SH3RF2: variants seen among roughly 807,000 people sequenced by gnomAD.
SH3RF2 encodes the protein SH3 domain containing ring finger 2.
A neutral mutation model predicts 59.0 loss-of-function variants in SH3RF2; 43 were observed. The observed-to-expected ratio is 0.73, with a 90% CI of 0.57 to 0.94. SH3RF2 has a LOEUF of 0.94. Among genes scored for constraint, SH3RF2 ranks in the 40% least tolerant of loss-of-function variants. SH3RF2 has a pLI of 0.00. For synonymous variants in SH3RF2, 391 were observed against 391.5 expected, an observed-to-expected ratio of 1.00 and a Z score of 0.01; for missense variants, 930 against 940.1, an observed-to-expected ratio of 0.99 and a Z score of 0.14.
chr5:146,029,685 T>C (rs982817190), intron 5 of SH3RF2, among the ~76,000 whole-genome samples: 38 of 152,326 alleles, frequency 2.5e-4, no homozygotes, highest in African/African-American at 9.1e-4. Flanking sequence ...AAAAGGGGCA[T>C]GTTCTTCCAT....
At position 146,060,142 on chromosome 5, in the gene SH3RF2, G is replaced by A; in HGVS notation, c.1832G>A (p.Ser611Asn). 6.2e-7 allele frequency: 1 copy of A among 1,614,150 alleles called. No homozygotes were observed. Among genetic ancestry groups the A allele is most frequent in the Non-Finnish European group, 8.5e-7 (1 of 1,180,030 alleles). ...IMEDKEIPIK[S>N]EPLPKPPASA... ...GAAGACAAAGAAATCCCCATCAAGA[G>A]TGAGCCTCTGCCAAAACCGCCCGCA... The change falls in exon 9 of 10, where the codon AGT (serine) becomes AAT (asparagine). Residue 611 changes from serine to asparagine, a missense_variant. Ser to Asn is a conservative substitution (Grantham distance 46, BLOSUM62 1). Coordinates refer to ENST00000359120, the MANE Select transcript of SH3RF2 (RefSeq NM_152550.4).
intron 2 of SH3RF2, chr5:145,997,688 G>A (rs1760223109): frequency 1.9e-6 from 3 of 1,563,480 alleles, no homozygotes; most frequent in Non-Finnish European, 2.6e-6. Context: ...TAATTGCTAA[G>A]GTAACAGGGA....
intron 9 of SH3RF2, among the ~76,000 whole-genome samples, chr5:146,072,009 T>C (rs1763250303): frequency 6.6e-6 from 1 of 152,084 alleles, no homozygotes. Flanking sequence ...GAGAGAACAG[T>C]GAGAGTGTTT....
At chr5:145,985,207 G>T (rs1759655127) in intron 2 of SH3RF2, among the ~76,000 whole-genome samples, 1 of 152,208 alleles carries the variant, frequency 6.6e-6, no homozygotes, top group Non-Finnish European at 1.5e-5. Context: ...GAGGGAAGAA[G>T]TCCAACTTCC....
intron 2 of SH3RF2, among the ~76,000 whole-genome samples, chr5:145,991,120 A>T (rs1759916449): frequency 6.6e-6 from 1 of 152,184 alleles, no homozygotes; most frequent in Non-Finnish European, 1.5e-5. Context: ...TGATGGAAAA[A>T]CATGCTAGGT....
At chr5:145,972,403 A>G (rs189718728) in intron 2 of SH3RF2, among the ~76,000 whole-genome samples, 2 of 152,268 alleles carry the variant, frequency 1.3e-5, no homozygotes, top group Admixed American at 1.3e-4. Flanking sequence ...AAGCAAAGGC[A>G]TTTGAAGAAT....
At position 146,005,771 on chromosome 5, in the gene SH3RF2, C is replaced by T. The variant is rs564379484; in HGVS notation, c.744+1618C>T. ...AAATTTCAGCAAGTAGTTAAACCCT[C>T]AATGGCCTCTTTCCTCTGAATATCT... is the stretch of plus-strand genomic sequence containing the variant. On this transcript the variant is annotated intron_variant, in intron 4 of 9. Transcript: ENST00000359120. 4.6e-5 allele frequency among the ~76,000 whole-genome samples: 7 copies of T among 151,300 alleles called. No individual in the cohort carries two copies. The East Asian group carries it at 7.8e-4, about 17-fold the overall frequency.
intron 2 of SH3RF2, among the ~76,000 whole-genome samples, chr5:145,947,286 T>C (rs1221255842): frequency 6.6e-6 from 1 of 152,142 alleles, no homozygotes; most frequent in East Asian, 1.9e-4. Flanking sequence ...AGACATCTGA[T>C]GATACAAGTA....
intron 2 of SH3RF2, among the ~76,000 whole-genome samples, chr5:145,993,633 CTA>C (rs1340900452): frequency 6.6e-6 from 1 of 152,240 alleles, no homozygotes; most frequent in Non-Finnish European, 1.5e-5. Flanking sequence ...GGCCCAAACT[CTA>C]TATTGGCTCC....
intron 2 of SH3RF2, among the ~76,000 whole-genome samples, chr5:145,948,335 A>G (rs1361620783): frequency 6.6e-6 from 1 of 152,238 alleles, no homozygotes; most frequent in African/African-American, 2.4e-5. Context: ...ACAGAAACCC[A>G]TGACACTGAG....
chr5:145,998,619 T>C (rs959302868), intron 2 of SH3RF2, among the ~76,000 whole-genome samples: 1 of 152,284 alleles, frequency 6.6e-6, no homozygotes, highest in Middle Eastern at 3.4e-3. Context: ...TCCCAGTGCA[T>C]ATAAAAGTTG....
At chr5:146,068,502 A>G (rs896393918) in intron 9 of SH3RF2, among the ~76,000 whole-genome samples, 1 of 152,288 alleles carries the variant, frequency 6.6e-6, no homozygotes, top group South Asian at 2.1e-4. Flanking sequence ...ACTTCCAGAA[A>G]CCTCTCATCT....
intron 2 of SH3RF2, among the ~76,000 whole-genome samples, chr5:145,973,688 G>T (rs1396978140): frequency 1.3e-5 from 2 of 151,982 alleles, no homozygotes; most frequent in East Asian, 3.9e-4. Flanking sequence ...TGGTTTTTTT[G>T]TTTATTTTTG....
chr5:145,949,357 C>T (rs779520484), intron 2 of SH3RF2, among the ~76,000 whole-genome samples: 8 of 152,178 alleles, frequency 5.3e-5, no homozygotes, highest in Non-Finnish European at 8.8e-5. Context: ...CAAGGCGATA[C>T]GGCAGAATCA....
intron 2 of SH3RF2, among the ~76,000 whole-genome samples, chr5:145,995,336 A>C (rs1243593047): frequency 1.3e-5 from 2 of 152,216 alleles, no homozygotes; most frequent in Non-Finnish European, 2.9e-5. Flanking sequence ...GTACCCAGAA[A>C]AATGTGATAT....
intron 5 of SH3RF2, among the ~76,000 whole-genome samples, chr5:146,035,022 C>A (rs1285642312): frequency 6.6e-6 from 1 of 151,914 alleles, no homozygotes; most frequent in Non-Finnish European, 1.5e-5. Context: ...AAGAGAATTG[C>A]TTGAACCCGA....
chr5:145,970,987 A>G (rs984763497), intron 2 of SH3RF2, among the ~76,000 whole-genome samples: 6 of 152,214 alleles, frequency 3.9e-5, no homozygotes, highest in South Asian at 4.1e-4. Flanking sequence ...TTTGGGGGTC[A>G]TAAGTAATAT....
At chr5:146,070,278 T>C (rs1763204868) in intron 9 of SH3RF2, among the ~76,000 whole-genome samples, 1 of 151,952 alleles carries the variant, frequency 6.6e-6, no homozygotes, top group Non-Finnish European at 1.5e-5. Flanking sequence ...CATGGACAAA[T>C]GAGATGTGCC....
chr5:146,063,507 C>A (rs183840093), downstream of SH3RF2, among the ~76,000 whole-genome samples: 1 of 152,178 alleles, frequency 6.6e-6, no homozygotes, highest in South Asian at 2.1e-4. Flanking sequence ...GAAAACACAG[C>A]GTGCTTACAA....
Sources: allele counts gnomAD v4.1 joint callset (sites outside exome capture counted in the v4.1 genomes callset), GRCh38; gene constraint gnomAD v4.1.1; transcripts MANE v1.5; gene names NCBI Gene and HGNC (gene_info 2026-07-23, HGNC 2026-07-21).